CHN2: variants seen among roughly 807,000 people sequenced by gnomAD.
CHN2 encodes the protein chimerin 2.
In CHN2, 35 loss-of-function variants were observed where a neutral mutation model predicts 56.3. The ratio of observed to expected loss-of-function variants is 0.62; its 90% CI spans 0.47 to 0.82. CHN2 has a LOEUF of 0.82. Among genes scored for constraint, CHN2 ranks in the 40% least tolerant of loss-of-function variants. CHN2 has a pLI of 0.00. For missense variants in CHN2, 491 were observed against 580.5 expected, an observed-to-expected ratio of 0.85 and a Z score of 1.58; for synonymous variants, 210 against 212.8, an observed-to-expected ratio of 0.99 and a Z score of 0.12.
chr7:29,353,244 G>A (rs920362778), intron 1 of CHN2, among the ~76,000 whole-genome samples: 3 of 152,224 alleles, frequency 2.0e-5, no homozygotes, highest in Non-Finnish European at 4.4e-5. Context: ...AGCTGCACAA[G>A]TGAGTATGAT....
At chr7:29,357,775 A>G (rs1466118910) in intron 2 of CHN2, among the ~76,000 whole-genome samples, 3 of 152,332 alleles carry the variant, frequency 2.0e-5, no homozygotes, top group Non-Finnish European at 2.9e-5. Flanking sequence ...AAAAAATCCA[A>G]ATATGCTAAA....
chr7:29,507,783 T>TGA (rs547000512), intron 11 of CHN2, among the ~76,000 whole-genome samples: 234 of 152,268 alleles, frequency 1.5e-3, no homozygotes, highest in African/African-American at 5.4e-3. Flanking sequence ...CTAACATTAA[T>TGA]GATAGCTTTA....
At chr7:29,321,091 T>A (rs759592548) in intron 1 of CHN2, among the ~76,000 whole-genome samples, 14 of 152,250 alleles carry the variant, frequency 9.2e-5, no homozygotes, top group Non-Finnish European at 1.6e-4. Context: ...GCTTACAGAT[T>A]GTTAGCAGTT....
intron 7 of CHN2, among the ~76,000 whole-genome samples, chr7:29,481,718 T>C (rs1389426201): frequency 6.6e-6 from 1 of 151,046 alleles, no homozygotes; most frequent in Admixed American, 6.6e-5. Context: ...TTTTTGGCCT[T>C]AAGAAAGTGT....
At chr7:29,480,807 C>T (rs987650781) in intron 7 of CHN2, among the ~76,000 whole-genome samples, 5 of 152,182 alleles carry the variant, frequency 3.3e-5, no homozygotes, top group African/African-American at 1.2e-4. Context: ...AACTCCTTTC[C>T]TTTATGCGTA....
intron 1 of CHN2, among the ~76,000 whole-genome samples, chr7:29,350,422 A>G (rs1173013100): frequency 6.6e-6 from 1 of 152,200 alleles, no homozygotes; most frequent in African/African-American, 2.4e-5. Flanking sequence ...CAACATATTA[A>G]AAATGTTTTG....
chr7:29,376,905 T>G (rs944722085), intron 3 of CHN2, among the ~76,000 whole-genome samples: 13 of 152,090 alleles, frequency 8.5e-5, no homozygotes, highest in African/African-American at 3.1e-4. Flanking sequence ...GGTCAGTACT[T>G]GATTAAGCCT....
intron 6 of CHN2, among the ~76,000 whole-genome samples, chr7:29,444,156 G>A (rs1243396643): frequency 6.6e-6 from 1 of 152,024 alleles, no homozygotes; most frequent in African/African-American, 2.4e-5. Context: ...ACAAATAAAT[G>A]GATTAACAGT....
In CHN2 at chr7:29,320,048, A is replaced by C. The variant is rs1795224941; in HGVS notation, c.50-34577A>C. On this transcript the variant is annotated intron_variant, in intron 1 of 12. Coordinates refer to ENST00000222792, the MANE Select transcript of CHN2 (RefSeq NM_004067.4). ...CAGTGAGGAACTCTGCTCAGCACTT[A>C]CATCAGCTCACTGAATCCTTCCAGT... is the stretch of plus-strand genomic sequence containing the variant. Among the ~76,000 whole-genome samples, 7 of 152,346 alleles carry C rather than the reference A, an allele frequency of 4.6e-5. No homozygotes were observed. The South Asian group carries it at 1.4e-3, about 32-fold the overall frequency.
intron 1 of CHN2, among the ~76,000 whole-genome samples, chr7:29,327,163 A>T (rs1252183125): frequency 6.6e-6 from 1 of 152,170 alleles, no homozygotes; most frequent in Non-Finnish European, 1.5e-5. Context: ...GGAGAGAGGG[A>T]TGATCCTGAG....
At chr7:29,435,461 A>G (rs960078018) in intron 6 of CHN2, among the ~76,000 whole-genome samples, 7 of 152,220 alleles carry the variant, frequency 4.6e-5, no homozygotes, top group Non-Finnish European at 8.8e-5. Flanking sequence ...GTACTTACAC[A>G]AAGTAAGTGG....
intron 1 of CHN2, among the ~76,000 whole-genome samples, chr7:29,279,477 G>T (rs1403622294): frequency 6.6e-6 from 1 of 152,256 alleles, no homozygotes; most frequent in Non-Finnish European, 1.5e-5. Context: ...ACCTGAATTT[G>T]TTCCACATGT....
intron 1 of CHN2, chr7:29,335,922 C>G (rs941704611): frequency 7.9e-5 from 12 of 152,272 alleles, no homozygotes; most frequent in African/African-American, 2.9e-4. Flanking sequence ...GCATTCGGCT[C>G]TGCTTTGGTG....
At chr7:29,460,092 C>T (rs77601476) in intron 6 of CHN2, among the ~76,000 whole-genome samples, 1,844 of 152,244 alleles carry the variant, frequency 0.012, 31 homozygotes, top group African/African-American at 0.041. Context: ...TAAAATATTG[C>T]TACCTGGCTT....
intron 1 of CHN2, among the ~76,000 whole-genome samples, chr7:29,260,049 C>G (rs929430054): frequency 3.3e-5 from 5 of 152,106 alleles, no homozygotes; most frequent in African/African-American, 4.8e-5. Context: ...GCGATCTTGG[C>G]TCACTGCAAC....
intron 6 of CHN2, among the ~76,000 whole-genome samples, chr7:29,424,626 C>T (rs1039106385): frequency 3.3e-5 from 5 of 152,162 alleles, no homozygotes; most frequent in African/African-American, 7.2e-5. Context: ...TTGACTGGTT[C>T]GTACATTGTT....
chr7:29,289,656 T>G (rs976980712), intron 1 of CHN2, among the ~76,000 whole-genome samples: 7 of 152,176 alleles, frequency 4.6e-5, no homozygotes, highest in African/African-American at 1.7e-4. Context: ...GATGGGGAAC[T>G]TGACTATTTT....
intron 2 of CHN2, among the ~76,000 whole-genome samples, chr7:29,149,795 G>T (rs1584426152): frequency 6.6e-6 from 1 of 152,166 alleles, no homozygotes; most frequent in East Asian, 1.9e-4. Flanking sequence ...CAGCCTTCCA[G>T]GGCTTTCTCT....
At chr7:29,345,373 C>T (rs1445575295) in intron 1 of CHN2, among the ~76,000 whole-genome samples, 1 of 152,096 alleles carries the variant, frequency 6.6e-6, no homozygotes, top group Non-Finnish European at 1.5e-5. Context: ...AAAGGCTCTA[C>T]AGAGAATTGA....
Sources: allele counts gnomAD v4.1 joint callset (sites outside exome capture counted in the v4.1 genomes callset), GRCh38; gene constraint gnomAD v4.1.1; transcripts MANE v1.5; gene names NCBI Gene and HGNC (gene_info 2026-07-23, HGNC 2026-07-21).